Variants in COG3 observed in about 807,000 individuals in gnomAD.
The protein encoded by COG3 is component of oligomeric golgi complex 3, also known as conserved oligomeric Golgi complex subunit 3.
In COG3, 32 loss-of-function variants were observed where a neutral mutation model predicts 114.1. That is an observed-to-expected ratio of 0.28 (90% CI 0.21 to 0.38). COG3 has a LOEUF of 0.38. Among genes scored for constraint, COG3 ranks in the 10% least tolerant of loss-of-function variants. The probability of loss-of-function intolerance (pLI) is 1.00; values close to 1 mark genes in which losing one functional copy is unlikely to be tolerated. For synonymous variants in COG3, 352 were observed against 365.7 expected, an observed-to-expected ratio of 0.96 and a Z score of 0.43; for missense variants, 813 against 973.2, an observed-to-expected ratio of 0.84 and a Z score of 2.19.
At chr13:45,526,323 C>T (rs1477132632) in intron 20 of COG3, among the ~76,000 whole-genome samples, 4 of 151,776 alleles carry the variant, frequency 2.6e-5, no homozygotes, top group South Asian at 2.1e-4. Flanking sequence ...TGACCTCAGG[C>T]GATCCGCCCA....
Position 45,534,611 on chromosome 13 carries a change from T to C in COG3, c.2458-91T>C. ...GCTGTATTGCATGATGCTGAGGTTTTTCAACCCTTGTGGTTCCCCTCCCTC... is the reference window on the plus strand; with the variant it reads ...GCTGTATTGCATGATGCTGAGGTTTCTCAACCCTTGTGGTTCCCCTCCCTC... On this transcript the variant is annotated intron_variant, in intron 22 of 22. Coordinates refer to ENST00000349995, the MANE Select transcript of COG3 (RefSeq NM_031431.4). 4.5e-6 allele frequency: 4 copies of C among 881,494 alleles called. No homozygotes were observed. The South Asian group carries it at 5.3e-5, about 12-fold the overall frequency. 54.6% of individuals were successfully genotyped at this position (881,494 alleles called of 1,614,324 possible). A position where few individuals can be genotyped will look rare whatever the true frequency, so the allele number is the denominator to read the frequency against.
intron 2 of COG3, 90 bp downstream of exon 2, chr13:45,476,437 T>TGAACA: frequency 7.9e-7 from 1 of 1,272,706 alleles, no homozygotes; most frequent in South Asian, 1.3e-5. Flanking sequence ...GTTCTGAACA[T>TGAACA]TTGTCACCAT....
chr13:45,515,243 A>C (rs1485028545), intron 16 of COG3, among the ~76,000 whole-genome samples: 2 of 152,200 alleles, frequency 1.3e-5, no homozygotes, highest in Non-Finnish European at 2.9e-5. Context: ...TTTCCATGAC[A>C]TAAGTCACTG....
rs1345593664 is a variant in COG3 at position 45,534,743 on chromosome 13, G to A, written c.*12G>A. ...TGGTTTCTAAATAAGCAGGCCAGCC[G>A]GGCTGTGCACCTAAATGTCTGTCTG... On this transcript the variant is annotated 3_prime_UTR_variant, in exon 23 of 23. Transcript: ENST00000349995. The A allele has an allele frequency of 3.9e-6, 6 of 1,555,534 alleles. No individual in the cohort carries two copies. Among genetic ancestry groups the A allele is most frequent in the East Asian group, 2.4e-5 (1 of 42,034 alleles).
intron 22 of COG3, 25 bp downstream of exon 22, chr13:45,530,805 A>G (rs2137932630): frequency 6.2e-7 from 1 of 1,601,938 alleles, no homozygotes; most frequent in East Asian, 2.2e-5. Flanking sequence ...GAAGATCCTT[A>G]TTACTTTTAT....
intron 3 of COG3, among the ~76,000 whole-genome samples, chr13:45,479,596 C>T (rs767368042): frequency 1.2e-4 from 18 of 152,206 alleles, no homozygotes; most frequent in South Asian, 6.2e-4. Context: ...ATTTAATCTT[C>T]GTAACAGCTG....
At position 45,509,788 on chromosome 13, in the gene COG3, G is replaced by C. The variant is rs554816331; in HGVS notation, c.1691G>C (p.Cys564Ser). 6.2e-7 allele frequency: 1 copy of C among 1,613,688 alleles called. No homozygotes were observed. Among genetic ancestry groups the C allele is most frequent in the South Asian group, 1.1e-5 (1 of 91,042 alleles). Reference protein sequence around the residue: ...WYPTVRRTLVCLSKLYRCIDR... With the variant: ...WYPTVRRTLVSLSKLYRCIDR... Reference sequence around the variant, plus strand: ...CCTACGGTTCGAAGAACTCTTGTCTGTCTCTCCAAATTATACAGATGCATA... The same window carrying C: ...CCTACGGTTCGAAGAACTCTTGTCTCTCTCTCCAAATTATACAGATGCATA... The change falls in exon 15 of 23, where the codon TGT becomes TCT. Residue 564 changes from cysteine to serine, a missense_variant. By Grantham distance (112) the Cys-to-Ser change is moderately radical. Coordinates refer to ENST00000349995, the MANE Select transcript of COG3 (RefSeq NM_031431.4).
chr13:45,507,893 C>G (rs2137873734), intron 14 of COG3, among the ~76,000 whole-genome samples: 1 of 150,752 alleles, frequency 6.6e-6, no homozygotes, highest in South Asian at 2.1e-4. Flanking sequence ...CATGGTGAAA[C>G]CCTGTCTCTA....
intron 14 of COG3, 62 bp downstream of exon 14, chr13:45,503,411 G>T (rs1445161760): frequency 1.1e-6 from 1 of 896,676 alleles, no homozygotes. Context: ...CTTTACTGAG[G>T]ACTTGTCCTG....
At position 45,478,993 on chromosome 13, in the gene COG3, C is replaced by T. The variant is rs749772492; in HGVS notation, c.322-12C>T. 1.0e-5 allele frequency: 16 copies of T among 1,602,182 alleles called. No individual in the cohort carries two copies. In the Admixed American group the frequency reaches 2.7e-4, roughly 27 times the overall value. On this transcript the variant is annotated splice_polypyrimidine_tract_variant and intron_variant, in intron 2 of 22. Transcript: ENST00000349995. Reference sequence around the variant, plus strand: ...TTAGTTTTGTTCACAATATAATACTCTGTTTTTCCAGTTTTTCTCATGGTT... The same window carrying T: ...TTAGTTTTGTTCACAATATAATACTTTGTTTTTCCAGTTTTTCTCATGGTT...
chr13:45,466,427 G>T (rs1477447759), intron 1 of COG3: 2 of 152,210 alleles, frequency 1.3e-5, no homozygotes, highest in African/African-American at 4.8e-5. Flanking sequence ...CAACTTTAGA[G>T]ATTTGATTTA....
chr13:45,480,355 T>G, intron 4 of COG3, 65 bp downstream of exon 4: 9 of 1,106,512 alleles, frequency 8.1e-6, no homozygotes, highest in Non-Finnish European at 1.1e-5. Flanking sequence ...TGAATACAGT[T>G]TTATTTTAAT....
At chr13:45,526,543 A>G (rs1178294745) in intron 20 of COG3, among the ~76,000 whole-genome samples, 1 of 152,202 alleles carries the variant, frequency 6.6e-6, no homozygotes, top group Non-Finnish European at 1.5e-5. Flanking sequence ...CCTCAGGTGA[A>G]CTTTGATGAT....
intron 14 of COG3, among the ~76,000 whole-genome samples, chr13:45,504,889 T>C (rs1296397001): frequency 6.6e-6 from 1 of 152,068 alleles, no homozygotes; most frequent in Non-Finnish European, 1.5e-5. Context: ...TAGTATGATA[T>C]AAGGAATGGA....
chr13:45,520,074 G>T (rs1268666196), intron 19 of COG3, among the ~76,000 whole-genome samples: 2 of 152,132 alleles, frequency 1.3e-5, no homozygotes, highest in Non-Finnish European at 2.9e-5. Context: ...AGCCCCCAGA[G>T]TTTGACACTG....
At chr13:45,476,444 C>A in intron 2 of COG3, 97 bp downstream of exon 2, 1 of 1,191,402 alleles carries the variant, frequency 8.4e-7, no homozygotes, top group Non-Finnish European at 1.2e-6. Context: ...ACATTTGTCA[C>A]CATAATTAAC....
chr13:45,492,307 A>T, intron 11 of COG3, 57 bp downstream of exon 11: 2 of 949,614 alleles, frequency 2.1e-6, no homozygotes, highest in Non-Finnish European at 3.3e-6. Context: ...TAATGACCAT[A>T]ATGAATCAGT....
At chr13:45,489,663 A>T (rs976225703) in intron 8 of COG3, among the ~76,000 whole-genome samples, 3 of 152,196 alleles carry the variant, frequency 2.0e-5, no homozygotes, top group Non-Finnish European at 4.4e-5. Flanking sequence ...AAACATAAGG[A>T]TGAAGAAAAT....
intron 9 of COG3, 89 bp downstream of exon 9, chr13:45,491,047 G>T (rs943142463): frequency 2.3e-6 from 2 of 864,410 alleles, no homozygotes; most frequent in Non-Finnish European, 3.8e-6. Context: ...TATTTTATGA[G>T]CAATTGCCTT....
Sources: gnomAD v4.1 joint callset for allele counts (sites outside exome capture counted in the v4.1 genomes callset) on GRCh38, gnomAD v4.1.1 for gene constraint, MANE v1.5 for transcripts, NCBI Gene and HGNC (gene_info 2026-07-23, HGNC 2026-07-21) for gene names.